The following DLG2 variants were observed in gnomAD, a reference collection of about 807,000 sequenced individuals.
DLG2 encodes discs large MAGUK scaffold protein 2.
In DLG2, 45 loss-of-function variants were observed where a neutral mutation model predicts 132.5. That is an observed-to-expected ratio of 0.34 (90% CI 0.27 to 0.44). DLG2 has a LOEUF of 0.44. Ranked by LOEUF, DLG2 falls within the 20% of genes least tolerant of loss-of-function variation. DLG2 has a pLI of 1.00. For missense variants in DLG2, 1,045 were observed against 1,196.9 expected, an observed-to-expected ratio of 0.87 and a Z score of 1.87; for synonymous variants, 424 against 419.6, an observed-to-expected ratio of 1.01 and a Z score of -0.13.
intron 3 of DLG2, among the ~76,000 whole-genome samples, chr11:85,511,116 G>T (rs575074515): frequency 2.0e-5 from 3 of 151,888 alleles, no homozygotes; most frequent in East Asian, 3.9e-4. Flanking sequence ...GCAAACTATC[G>T]CAAGGACAAA....
chr11:85,468,412 A>T (rs2092874124), intron 3 of DLG2, among the ~76,000 whole-genome samples: 1 of 152,052 alleles, frequency 6.6e-6, no homozygotes, highest in Non-Finnish European at 1.5e-5. Flanking sequence ...TTCGGGTGTC[A>T]ATTTTAGATC....
chr11:83,746,514 G>A (rs2153727643), intron 18 of DLG2, among the ~76,000 whole-genome samples: 1 of 152,162 alleles, frequency 6.6e-6, no homozygotes, highest in East Asian at 1.9e-4. Flanking sequence ...ACTTATAGGT[G>A]GGAATTGAAC....
intron 15 of DLG2, among the ~76,000 whole-genome samples, chr11:83,921,989 A>G (rs2078025854): frequency 6.6e-6 from 1 of 152,110 alleles, no homozygotes; most frequent in African/African-American, 2.4e-5. Context: ...TTTGACCCTC[A>G]TGAAGCCTCC....
intron 3 of DLG2, among the ~76,000 whole-genome samples, chr11:85,303,842 T>G (rs116374512): frequency 7.9e-4 from 120 of 152,310 alleles, no homozygotes; most frequent in African/African-American, 2.7e-3. Flanking sequence ...CTGTTAACTT[T>G]GAAGTTCTGC....
At chr11:85,586,397 C>G (rs1450150679) in intron 3 of DLG2, among the ~76,000 whole-genome samples, 1 of 152,074 alleles carries the variant, frequency 6.6e-6, no homozygotes, top group Non-Finnish European at 1.5e-5. Flanking sequence ...TGTTATTGGT[C>G]TGTTCAGAGT....
intron 6 of DLG2, among the ~76,000 whole-genome samples, chr11:84,783,516 C>T (rs1422430083): frequency 1.3e-5 from 2 of 152,282 alleles, no homozygotes; most frequent in South Asian, 4.1e-4. Flanking sequence ...ATCTTCAGAG[C>T]TCCAAAGTTT....
chr11:84,023,779 G>A (rs1275050853), intron 11 of DLG2, among the ~76,000 whole-genome samples: 1 of 152,048 alleles, frequency 6.6e-6, no homozygotes, highest in African/African-American at 2.4e-5. Context: ...TTATTTACCA[G>A]AAAATATCTC....
chr11:84,394,043 G>A (rs901573189), intron 7 of DLG2, among the ~76,000 whole-genome samples: 1 of 151,748 alleles, frequency 6.6e-6, no homozygotes, highest in African/African-American at 2.4e-5. Context: ...GCATCAACAC[G>A]CCCAGCTATT....
At chr11:84,402,871 A>C (rs1433601715) in intron 7 of DLG2, among the ~76,000 whole-genome samples, 13 of 143,908 alleles carry the variant, frequency 9.0e-5, no homozygotes, top group African/African-American at 3.3e-4. Context: ...GACAGAGCGA[A>C]ACTCCGTCTC....
chr11:85,471,108 C>T (rs970409839), intron 3 of DLG2, among the ~76,000 whole-genome samples: 1 of 152,174 alleles, frequency 6.6e-6, no homozygotes, highest in Admixed American at 6.5e-5. Flanking sequence ...CTGCCCGAAT[C>T]ATAATATCAG....
At chr11:84,003,004 G>C (rs2094427702) in intron 11 of DLG2, among the ~76,000 whole-genome samples, 1 of 152,128 alleles carries the variant, frequency 6.6e-6, no homozygotes. Context: ...GTCACAACTT[G>C]AACACTTTGC....
chr11:83,634,681 T>A (rs2064335249), intron 18 of DLG2, among the ~76,000 whole-genome samples: 1 of 152,184 alleles, frequency 6.6e-6, no homozygotes, highest in African/African-American at 2.4e-5. Flanking sequence ...AAATTCTTTA[T>A]AAGAAAAAGT....
chr11:83,805,827 G>A (rs912204233), intron 17 of DLG2, among the ~76,000 whole-genome samples: 35 of 152,062 alleles, frequency 2.3e-4, no homozygotes, highest in African/African-American at 6.8e-4. Flanking sequence ...TGATATGAGG[G>A]AACGTTAGAG....
chr11:84,977,631 C>G (rs2055094209), intron 6 of DLG2, among the ~76,000 whole-genome samples: 1 of 152,188 alleles, frequency 6.6e-6, no homozygotes, highest in Non-Finnish European at 1.5e-5. Flanking sequence ...CTACCCTTTT[C>G]TCATGCACAT....
intron 6 of DLG2, among the ~76,000 whole-genome samples, chr11:84,655,743 T>TG (rs1421506371): frequency 6.6e-6 from 1 of 151,632 alleles, no homozygotes; most frequent in Non-Finnish European, 1.5e-5. Flanking sequence ...TGTTTGTTTT[T>TG]TTTTTTTTTC....
At chr11:85,323,984 G>T (rs1280788200) in intron 3 of DLG2, among the ~76,000 whole-genome samples, 1 of 152,144 alleles carries the variant, frequency 6.6e-6, no homozygotes, top group Non-Finnish European at 1.5e-5. Flanking sequence ...GGATGGTAGT[G>T]GGCTTCCAGC....
chr11:85,263,315 G>A (rs780293948), intron 4 of DLG2, among the ~76,000 whole-genome samples: 6 of 152,202 alleles, frequency 3.9e-5, no homozygotes, highest in Non-Finnish European at 8.8e-5. Context: ...GAGCAGGATG[G>A]CTGGCTGGCT....
chr11:84,964,146 G>C (rs2052996977), intron 6 of DLG2, among the ~76,000 whole-genome samples: 1 of 152,038 alleles, frequency 6.6e-6, no homozygotes, highest in African/African-American at 2.4e-5. Context: ...GAAAAGATCA[G>C]TGTATAATAT....
intron 6 of DLG2, among the ~76,000 whole-genome samples, chr11:84,597,073 A>T (rs557320466): frequency 1.2e-4 from 19 of 152,234 alleles, no homozygotes; most frequent in Middle Eastern, 6.8e-3. Flanking sequence ...ATACAAAATT[A>T]GTCAGGTGTG....
Sources: gnomAD v4.1 joint callset for allele counts (sites outside exome capture counted in the v4.1 genomes callset) on GRCh38, gnomAD v4.1.1 for gene constraint, MANE v1.5 for transcripts, NCBI Gene and HGNC (gene_info 2026-07-23, HGNC 2026-07-21) for gene names.